The following TRNAU1AP variants were observed in gnomAD, a reference collection of about 807,000 sequenced individuals.
The protein encoded by TRNAU1AP is tRNA selenocysteine 1-associated protein 1.
Under a neutral mutation model 43.3 loss-of-function variants are expected in TRNAU1AP, and 33 were observed. The observed-to-expected ratio is 0.76, with a 90% CI of 0.58 to 1.02. The LOEUF is 1.02. Ranked by LOEUF, TRNAU1AP falls within the 50% of genes least tolerant of loss-of-function variation. TRNAU1AP has a pLI of 0.00. For synonymous variants in TRNAU1AP, 143 were observed against 129.1 expected, an observed-to-expected ratio of 1.11 and a Z score of -0.73; for missense variants, 290 against 362.7, an observed-to-expected ratio of 0.80 and a Z score of 1.63.
intron 3 of TRNAU1AP, 41 bp downstream of exon 3, chr1:28,560,773 G>A: frequency 6.8e-7 from 1 of 1,479,208 alleles, no homozygotes; most frequent in South Asian, 1.1e-5. Flanking sequence ...CATTATTATT[G>A]TCATTGCTTA....
chr1:28,556,521 T>G (rs1665268130), intron 2 of TRNAU1AP, among the ~76,000 whole-genome samples: 1 of 151,020 alleles, frequency 6.6e-6, no homozygotes, highest in South Asian at 2.1e-4. Flanking sequence ...TTTTTTTTTT[T>G]TTTTTTCTGA....
At chr1:28,566,412 G>A (rs963585480) in intron 5 of TRNAU1AP, among the ~76,000 whole-genome samples, 3 of 151,430 alleles carry the variant, frequency 2.0e-5, no homozygotes, top group African/African-American at 7.3e-5. Flanking sequence ...GAGGTCAGGA[G>A]TTCGAGACCA....
intron 6 of TRNAU1AP, among the ~76,000 whole-genome samples, chr1:28,569,336 A>G (rs1434779887): frequency 6.6e-6 from 1 of 152,150 alleles, no homozygotes; most frequent in Non-Finnish European, 1.5e-5. Flanking sequence ...TCAAGGTTAC[A>G]ATGAGCTATG....
Position 28,577,689 on chromosome 1 carries a change from T to C in TRNAU1AP, c.*53T>C. On this transcript the variant is annotated 3_prime_UTR_variant, in exon 9 of 9. Transcript: ENST00000373830. ...TGATGTGAGGGAGATGAGAGACTCC[T>C]TTTTAAAAATTGTGAAACCTTTTTG... 8 of 1,537,130 alleles carry C rather than the reference T, an allele frequency of 5.2e-6. No homozygotes were observed. Among genetic ancestry groups the C allele is most frequent in the Non-Finnish European group, 6.1e-6 (7 of 1,140,364 alleles).
intron 2 of TRNAU1AP, chr1:28,553,969 G>C: frequency 2.5e-6 from 1 of 405,634 alleles, no homozygotes; most frequent in Non-Finnish European, 4.6e-6. Flanking sequence ...AGGCTGAGGT[G>C]GGTGGATCAC....
At chr1:28,560,493 G>A in intron 2 of TRNAU1AP, 140 bp from the exon 3 acceptor site, 1 of 626,832 alleles carries the variant, frequency 1.6e-6, no homozygotes. Context: ...TGTTGTCCAG[G>A]CTGGTCTCCT....
intron 2 of TRNAU1AP, among the ~76,000 whole-genome samples, chr1:28,557,312 C>A: frequency 6.6e-6 from 1 of 151,210 alleles, no homozygotes; most frequent in South Asian, 2.1e-4. Context: ...CCCAGCTACT[C>A]GGGAGGCTGA....
At chr1:28,566,198 A>C (rs1382669668) in intron 5 of TRNAU1AP, among the ~76,000 whole-genome samples, 1 of 150,638 alleles carries the variant, frequency 6.6e-6, no homozygotes, top group Non-Finnish European at 1.5e-5. Flanking sequence ...GCCTGTAGTC[A>C]CAGCTGCTCG....
chr1:28,573,728 A>T (rs945884421), intron 8 of TRNAU1AP, among the ~76,000 whole-genome samples: 2 of 151,164 alleles, frequency 1.3e-5, no homozygotes, highest in African/African-American at 2.4e-5. Flanking sequence ...AGTCGAGATC[A>T]TACCACTGTA....
At chr1:28,571,786 A>AAAAAAAAAAAAAAAAAT in intron 7 of TRNAU1AP, 81 bp from the exon 8 acceptor site, 10 of 1,008,494 alleles carry the variant, frequency 9.9e-6, no homozygotes, top group Middle Eastern at 2.8e-4. Context: ...CCACCTCAAA[A>AAAAAAAAAAAAAAAAAT]AAAATAAAAA....
At chr1:28,564,163 G>A (rs1156937601) in intron 4 of TRNAU1AP, among the ~76,000 whole-genome samples, 1 of 152,120 alleles carries the variant, frequency 6.6e-6, no homozygotes, top group Non-Finnish European at 1.5e-5. Context: ...CTGGTCGGCA[G>A]GCTAAGGTGT....
In TRNAU1AP at chr1:28,578,433, A is replaced by G. The variant is rs1665865501; in HGVS notation, c.*797A>G. ...CATCCTACATCATAAAAAATCTCCA[A>G]AGATCTCTTTAAGGGCTGGGCATGG... On this transcript the variant is annotated 3_prime_UTR_variant, in exon 9 of 9. Transcript: ENST00000373830. The G allele has an allele frequency of 1.3e-5, 3 of 231,486 alleles. No homozygotes were observed. Among genetic ancestry groups the G allele is most frequent in the Non-Finnish European group, 2.6e-5 (3 of 114,532 alleles). The allele number at this position is 231,486 out of a possible 1,614,324, so 14.3% of individuals were successfully genotyped here. A position where few individuals can be genotyped will look rare whatever the true frequency, so the allele number is the denominator to read the frequency against.
At chr1:28,556,313 A>T (rs1419033191) in intron 2 of TRNAU1AP, among the ~76,000 whole-genome samples, 2 of 151,654 alleles carry the variant, frequency 1.3e-5, no homozygotes, top group African/African-American at 4.8e-5. Flanking sequence ...AAAATACAAA[A>T]ATTAGCCAGG....
At chr1:28,554,413 T>C (rs1665208077) in intron 2 of TRNAU1AP, among the ~76,000 whole-genome samples, 5 of 152,102 alleles carry the variant, frequency 3.3e-5, no homozygotes, top group Admixed American at 3.3e-4. Flanking sequence ...GTATGGCATA[T>C]AGCATATGCT....
Position 28,564,253 on chromosome 1 carries a change from A to G in TRNAU1AP, c.279-450A>G, listed in dbSNP as rs1553122358. Among the ~76,000 whole-genome samples the G allele has an allele frequency of 3.3e-5, 5 of 152,180 alleles. No homozygotes were observed. The South Asian group carries it at 8.3e-4, about 25-fold the overall frequency. ...TGCACTCCAGCCTGGGCAACGAGCA[A>G]AACTCCATCTCAGAAAAAAAGATTG... On this transcript the variant is annotated intron_variant, in intron 4 of 8. Coordinates refer to ENST00000373830, the MANE Select transcript of TRNAU1AP (RefSeq NM_017846.5).
At position 28,577,683 on chromosome 1, in the gene TRNAU1AP, G is replaced by GAA. The variant is rs772286679; in HGVS notation, c.*48_*49insAA. ...GTTGCATGATGTGAGGGAGATGAGA[G>GAA]ACTCCTTTTTAAAAATTGTGAAACC... On this transcript the variant is annotated 3_prime_UTR_variant, in exon 9 of 9. Coordinates refer to ENST00000373830, the MANE Select transcript of TRNAU1AP (RefSeq NM_017846.5). 5 of 1,548,150 alleles carry GAA rather than the reference G, an allele frequency of 3.2e-6. No individual in the cohort carries two copies. The South Asian group carries it at 6.0e-5, about 19-fold the overall frequency.
rs1665387814 is a variant in TRNAU1AP at position 28,560,749 on chromosome 1, AATG to A, written c.225+24_225+26del. 6.3e-7 allele frequency: 1 copy of A among 1,576,806 alleles called. No homozygotes were observed. The highest frequency in any genetic ancestry group is 8.7e-7 in the Non-Finnish European group (1 of 1,147,334). On this transcript the variant is annotated intron_variant, in intron 3 of 8. Transcript: ENST00000373830. ...GCCACACCTGTAAGGACATTTAGAT[AATG>A]ATGATGTTGCCATTATTATTGTCAT...
At chr1:28,561,075 A>T (rs1300478120) in intron 3 of TRNAU1AP, 1 of 1,365,218 alleles carries the variant, frequency 7.3e-7, no homozygotes, top group East Asian at 2.9e-5. Context: ...AGCAGCAAGG[A>T]CACATTTCAA....
intron 8 of TRNAU1AP, among the ~76,000 whole-genome samples, chr1:28,572,271 G>A (rs1024050235): frequency 2.0e-5 from 3 of 152,044 alleles, no homozygotes; most frequent in Middle Eastern, 3.2e-3. Flanking sequence ...TCAGTTCACC[G>A]CAACCTCCAC....
Sources: gnomAD v4.1 joint callset for allele counts (sites outside exome capture counted in the v4.1 genomes callset) on GRCh38, gnomAD v4.1.1 for gene constraint, MANE v1.5 for transcripts, NCBI Gene and HGNC (gene_info 2026-07-23, HGNC 2026-07-21) for gene names.